SCYL2: variants seen among roughly 807,000 people sequenced by gnomAD.
The protein encoded by SCYL2 is SCY1-like protein 2.
In SCYL2, 36 loss-of-function variants were observed where a neutral mutation model predicts 100.4. The ratio of observed to expected loss-of-function variants is 0.36; its 90% CI spans 0.27 to 0.47. The LOEUF is 0.47. SCYL2 is among the 20% of genes least tolerant of loss of function. The pLI is 1.00. For missense variants in SCYL2, 902 were observed against 1,083.9 expected (o/e 0.83, Z 2.36); for synonymous variants, 330 against 359.2 (o/e 0.92, Z 0.92).
At position 100,291,659 on chromosome 12, in the gene SCYL2, A is replaced by G; in HGVS notation, c.334A>G (p.Arg112Gly). The G allele has an allele frequency of 6.4e-7, 1 of 1,569,356 alleles. No homozygotes were observed. Among genetic ancestry groups the G allele is most frequent in the South Asian group, 1.3e-5 (1 of 79,272 alleles). Residue 112 changes from arginine (R) to glycine (G), a missense_variant and splice_region_variant, in exon 3 of 18, where the codon AGG (arginine) becomes GGG (glycine). Arg to Gly is a moderately radical substitution (Grantham distance 125). Coordinates refer to ENST00000360820, the MANE Select transcript of SCYL2 (RefSeq NM_017988.6). ...LTVQHPLEESRDCLAFCTEPV... is the reference protein window; with the variant it reads ...LTVQHPLEESGDCLAFCTEPV... Reference sequence around the variant, plus strand: ...TGTCCAGCATCCTTTAGAAGAATCCAGGTAAATTTTTACAAAAACTTACAT... The same window carrying G: ...TGTCCAGCATCCTTTAGAAGAATCCGGGTAAATTTTTACAAAAACTTACAT...
chr12:100,296,444 A>G (rs759471764), intron 3 of SCYL2, among the ~76,000 whole-genome samples: 1 of 152,188 alleles, frequency 6.6e-6, no homozygotes, highest in Non-Finnish European at 1.5e-5. Flanking sequence ...GGAGCAGAGT[A>G]CTGAGGAAAG....
intron 11 of SCYL2, among the ~76,000 whole-genome samples, chr12:100,324,159 T>G (rs1439216041): frequency 6.6e-6 from 1 of 152,180 alleles, no homozygotes; most frequent in African/African-American, 2.4e-5. Flanking sequence ...AATAGTTACC[T>G]TCTTTGAATA....
At chr12:100,271,448 C>A (rs547539715) in intron 1 of SCYL2, among the ~76,000 whole-genome samples, 1 of 152,152 alleles carries the variant, frequency 6.6e-6, no homozygotes, top group East Asian at 1.9e-4. Flanking sequence ...ATTAGAATTA[C>A]AAAAATTCAT....
At chr12:100,279,968 G>A (rs1386858888) in intron 1 of SCYL2, among the ~76,000 whole-genome samples, 6 of 152,118 alleles carry the variant, frequency 3.9e-5, no homozygotes, top group Non-Finnish European at 7.4e-5. Context: ...ATCTACCTCC[G>A]CATTCTTGAA....
At chr12:100,295,116 C>G (rs1372491381) in intron 3 of SCYL2, among the ~76,000 whole-genome samples, 26 of 151,046 alleles carry the variant, frequency 1.7e-4, no homozygotes, top group Non-Finnish European at 3.5e-4. Flanking sequence ...CGGGCAGAGA[C>G]GCTCTTCACT....
At chr12:100,282,567 C>A (rs117378795) in intron 1 of SCYL2, among the ~76,000 whole-genome samples, 2 of 152,210 alleles carry the variant, frequency 1.3e-5, no homozygotes, top group African/African-American at 4.8e-5. Flanking sequence ...TCAGGTGATC[C>A]GCTTGCCTTG....
In SCYL2 at chr12:100,335,707, AT is replaced by A; in HGVS notation, c.1929+21del. 2 of 1,606,542 alleles carry A rather than the reference AT, an allele frequency of 1.2e-6. No individual in the cohort carries two copies. Among genetic ancestry groups the A allele is most frequent in the South Asian group, 2.2e-5 (2 of 90,126 alleles). On this transcript the variant is annotated intron_variant, in intron 15 of 17. Coordinates refer to ENST00000360820, the MANE Select transcript of SCYL2 (RefSeq NM_017988.6). ...TGGGAATCAGGTAAGAAGCAGCTTA[AT>A]TTTTGCAGAAAGTATGCTTCATCTG...
chr12:100,337,040 T>G (rs1443982227), intron 16 of SCYL2, among the ~76,000 whole-genome samples: 2 of 152,154 alleles, frequency 1.3e-5, no homozygotes, highest in Non-Finnish European at 2.9e-5. Context: ...GTTCCTAAAA[T>G]ATTCTTGGGG....
rs570442132 is a variant in SCYL2, at chr12:100,283,082, A to G, written c.112A>G (p.Ile38Val). ...VTREFDVGRH[I>V]ASGGNGLAWK... The stretch of plus-strand genomic sequence containing the variant: ...TAGAGAATTTGATGTTGGTCGACAC[A>G]TTGCCAGTGGTGGCAATGGGCTAGC... The change falls in exon 2 of 18, where the codon ATT (isoleucine) becomes GTT (valine). Residue 38 changes from isoleucine (I) to valine (V), a missense_variant. Coordinates refer to ENST00000360820, the MANE Select transcript of SCYL2 (RefSeq NM_017988.6). 2.5e-6 allele frequency: 4 copies of G among 1,613,108 alleles called. No homozygotes were observed. The highest frequency in any genetic ancestry group is 1.7e-5 in the Admixed American group (1 of 59,742).
At chr12:100,299,147 A>G (rs1397945015) in intron 4 of SCYL2, among the ~76,000 whole-genome samples, 1 of 152,078 alleles carries the variant, frequency 6.6e-6, no homozygotes. Context: ...AGTCAGGAGG[A>G]TCGCTTGAGC....
intron 1 of SCYL2, among the ~76,000 whole-genome samples, chr12:100,268,736 G>A (rs1335708097): frequency 1.3e-5 from 2 of 152,154 alleles, no homozygotes; most frequent in Non-Finnish European, 2.9e-5. Context: ...ATATTCACAT[G>A]TTTGAAATTC....
intron 11 of SCYL2, among the ~76,000 whole-genome samples, chr12:100,324,753 A>G (rs560082278): frequency 9.8e-5 from 15 of 152,338 alleles, no homozygotes; most frequent in African/African-American, 3.6e-4. Flanking sequence ...CTGAGTCTTC[A>G]CTATCATTAA....
intron 14 of SCYL2, among the ~76,000 whole-genome samples, chr12:100,335,160 G>A (rs999390567): frequency 6.6e-6 from 1 of 151,996 alleles, no homozygotes; most frequent in South Asian, 2.1e-4. Context: ...TTAATAACAA[G>A]TATTTATATT....
chr12:100,274,718 T>C (rs938446054), intron 1 of SCYL2, among the ~76,000 whole-genome samples: 1 of 152,214 alleles, frequency 6.6e-6, no homozygotes, highest in Non-Finnish European at 1.5e-5. Flanking sequence ...GAAAAAATTG[T>C]GAACAAAGAA....
chr12:100,278,638 T>TA, intron 1 of SCYL2, among the ~76,000 whole-genome samples: 1 of 150,836 alleles, frequency 6.6e-6, no homozygotes, highest in Admixed American at 6.6e-5. Flanking sequence ...TTCTTTTTTT[T>TA]TTTTTTTTTT....
At chr12:100,302,396 G>A (rs2096328912) in intron 4 of SCYL2, among the ~76,000 whole-genome samples, 1 of 152,180 alleles carries the variant, frequency 6.6e-6, no homozygotes. Context: ...GCTGGTACCA[G>A]TTTTTCCTTT....
chr12:100,305,604 C>G (rs1253408428), intron 4 of SCYL2, among the ~76,000 whole-genome samples: 2 of 150,912 alleles, frequency 1.3e-5, no homozygotes, highest in Non-Finnish European at 2.9e-5. Context: ...AAAGCAAGAG[C>G]AAACAAATTC....
intron 12 of SCYL2, among the ~76,000 whole-genome samples, chr12:100,328,828 A>G (rs1270992728): frequency 6.6e-6 from 1 of 152,222 alleles, no homozygotes; most frequent in Non-Finnish European, 1.5e-5. Flanking sequence ...TACCCTTTGA[A>G]ATAGATGCCT....
Position 100,339,320 on chromosome 12 carries a change from G to A in SCYL2, c.*148G>A. 1 of 777,972 alleles carries A rather than the reference G, an allele frequency of 1.3e-6. No individual in the cohort carries two copies. Among genetic ancestry groups the A allele is most frequent in the Non-Finnish European group, 2.0e-6 (1 of 498,052 alleles). The allele number at this position is 777,972 out of a possible 1,614,324, so 48.2% of individuals were successfully genotyped here. A position where few individuals can be genotyped will look rare whatever the true frequency, so the allele number is the denominator to read the frequency against. On this transcript the variant is annotated 3_prime_UTR_variant, in exon 18 of 18. Transcript: ENST00000360820. Reference sequence around the variant, plus strand: ...AAACATCTCTGTCCATGCCAGCATAGTAGTTGTATGGACTTCTAACCAGTT... The same window carrying A: ...AAACATCTCTGTCCATGCCAGCATAATAGTTGTATGGACTTCTAACCAGTT...
Sources: gnomAD v4.1 joint callset for allele counts (sites outside exome capture counted in the v4.1 genomes callset) on GRCh38, gnomAD v4.1.1 for gene constraint, MANE v1.5 for transcripts, NCBI Gene and HGNC (gene_info 2026-07-23, HGNC 2026-07-21) for gene names.